The following ZPBP variants were observed in gnomAD, a reference collection of about 807,000 sequenced individuals.
ZPBP encodes zona pellucida-binding protein 1.
In ZPBP, 26 loss-of-function variants were observed where a neutral mutation model predicts 44.8. That is an observed-to-expected ratio of 0.58 (90% CI 0.43 to 0.81). The LOEUF (loss-of-function observed/expected upper bound fraction) is 0.81. ZPBP is among the 30% of genes least tolerant of loss of function. ZPBP has a pLI of 0.00. For missense variants in ZPBP, 409 were observed against 434.0 expected, an observed-to-expected ratio of 0.94 and a Z score of 0.51; for synonymous variants, 174 against 153.2, an observed-to-expected ratio of 1.14 and a Z score of -1.00.
intron 6 of ZPBP, among the ~76,000 whole-genome samples, chr7:50,004,130 A>G (rs538679169): frequency 8.3e-4 from 126 of 152,184 alleles, no homozygotes; most frequent in African/African-American, 3.0e-3. Context: ...CCTGGAGAGG[A>G]AGACCCATCC....
chr7:49,950,374 A>C (rs1021176188), intron 7 of ZPBP, among the ~76,000 whole-genome samples: 1 of 151,872 alleles, frequency 6.6e-6, no homozygotes, highest in African/African-American at 2.4e-5. Context: ...AAGACAAATT[A>C]ATATATACAT....
At chr7:49,998,531 C>T (rs1014918008) in intron 6 of ZPBP, among the ~76,000 whole-genome samples, 1 of 152,166 alleles carries the variant, frequency 6.6e-6, no homozygotes, top group Non-Finnish European at 1.5e-5. Flanking sequence ...TCACCAGGCT[C>T]CTTGCTTCTT....
At chr7:50,001,861 C>T (rs1258509787) in intron 6 of ZPBP, among the ~76,000 whole-genome samples, 1 of 152,010 alleles carries the variant, frequency 6.6e-6, no homozygotes. Flanking sequence ...ATAGAGTGAG[C>T]CCTCAGAACT....
intron 7 of ZPBP, among the ~76,000 whole-genome samples, chr7:49,947,074 A>T (rs1403530846): frequency 6.6e-6 from 1 of 152,114 alleles, no homozygotes; most frequent in Non-Finnish European, 1.5e-5. Context: ...TGTTAAATTT[A>T]TCTGACAGGA....
At chr7:49,868,873 C>G (rs1433997400) in intron 2 of ZPBP, among the ~76,000 whole-genome samples, 1 of 152,210 alleles carries the variant, frequency 6.6e-6, no homozygotes, top group Non-Finnish European at 1.5e-5. Context: ...CCTGCCTCGG[C>G]CTCCCAAAGT....
chr7:49,850,415 C>T (rs1467854106), downstream of ZPBP: 1 of 152,262 alleles, frequency 6.6e-6, no homozygotes, highest in Non-Finnish European at 1.5e-5. Flanking sequence ...AAGAGGCCTC[C>T]TGTCTTCCTG....
intron 7 of ZPBP, among the ~76,000 whole-genome samples, chr7:49,979,664 A>C (rs941224387): frequency 4.0e-4 from 61 of 151,020 alleles, no homozygotes; most frequent in African/African-American, 1.4e-3. Context: ...CAATTTCAAA[A>C]TACTTATAAT....
At chr7:50,006,825 G>A (rs934620328) in intron 6 of ZPBP, among the ~76,000 whole-genome samples, 2 of 151,906 alleles carry the variant, frequency 1.3e-5, no homozygotes, top group Non-Finnish European at 2.9e-5. Flanking sequence ...AAGAAAAAGG[G>A]AGAAGAAAAC....
At chr7:49,987,727 GTTGT>G (rs770827015) in intron 6 of ZPBP, among the ~76,000 whole-genome samples, 42 of 93,458 alleles carry the variant, frequency 4.5e-4, no homozygotes, top group Non-Finnish European at 5.3e-4. Flanking sequence ...TTATATATGT[GTTGT>G]GTGTGTGTGT....
At chr7:50,046,696 G>A (rs1800384980) in intron 4 of ZPBP, among the ~76,000 whole-genome samples, 1 of 152,166 alleles carries the variant, frequency 6.6e-6, no homozygotes, top group African/African-American at 2.4e-5. Context: ...CACTGTTGGT[G>A]GGAGTGTAAA....
intron 6 of ZPBP, among the ~76,000 whole-genome samples, chr7:50,010,300 C>T (rs780278426): frequency 6.6e-6 from 1 of 151,354 alleles, no homozygotes; most frequent in Non-Finnish European, 1.5e-5. Context: ...AATAAAGAAC[C>T]CAAAAATAGT....
chr7:49,849,784 G>C (rs549899141), downstream of ZPBP, among the ~76,000 whole-genome samples: 28 of 152,304 alleles, frequency 1.8e-4, no homozygotes, highest in African/African-American at 6.3e-4. Context: ...CTTAATAAAA[G>C]TGGCTCCTGC....
intron 2 of ZPBP, among the ~76,000 whole-genome samples, chr7:49,866,713 T>C (rs905546142): frequency 1.3e-5 from 2 of 152,182 alleles, no homozygotes; most frequent in Non-Finnish European, 2.9e-5. Flanking sequence ...GGCAGTAACA[T>C]ACAAGCATCT....
intron 6 of ZPBP, among the ~76,000 whole-genome samples, chr7:50,003,142 C>T (rs1314302088): frequency 1.3e-5 from 2 of 152,126 alleles, no homozygotes; most frequent in African/African-American, 4.8e-5. Flanking sequence ...ATAGTATTAT[C>T]ATGAGTTGAT....
chr7:49,990,045 T>C (rs978617902), intron 6 of ZPBP, among the ~76,000 whole-genome samples: 1 of 152,144 alleles, frequency 6.6e-6, no homozygotes, highest in East Asian at 1.9e-4. Flanking sequence ...CAAAACACAT[T>C]TTTGTCCCAA....
intron 6 of ZPBP, among the ~76,000 whole-genome samples, chr7:49,984,906 GA>G (rs1392172510): frequency 6.6e-6 from 1 of 152,022 alleles, no homozygotes; most frequent in South Asian, 2.1e-4. Flanking sequence ...ATGTTGAAGA[GA>G]AAAAAAATGC....
intron 1 of ZPBP, chr7:49,912,005 A>G: frequency 1.2e-6 from 2 of 1,603,336 alleles, no homozygotes; most frequent in Non-Finnish European, 8.5e-7. Context: ...ATGCACACAT[A>G]TAGTATAAAA....
Position 50,093,219 on chromosome 7 carries a change from C to T in ZPBP, c.-25G>A. The T allele has an allele frequency of 1.3e-6, 2 of 1,504,216 alleles. No individual in the cohort carries two copies. The highest frequency in any genetic ancestry group is 1.3e-5 in the South Asian group (1 of 79,088). The allele number at this position is 1,504,216 out of a possible 1,614,324, so 93.2% of individuals were successfully genotyped here. The stretch of plus-strand genomic sequence containing the variant: ...TCCACACGCCGCCGTCGCCTGCCCA[C>T]CGTCCGCGCGGAAGGTCGTTAGGCA... On this transcript the variant is annotated 5_prime_UTR_variant, in exon 1 of 8. In the 5' UTR this introduces an upstream ATG that the reference lacks. Coordinates refer to ENST00000046087, the MANE Select transcript of ZPBP (RefSeq NM_007009.3).
chr7:49,981,695 A>AATATAAATTATATATGGTAT (rs1562820655), intron 7 of ZPBP, among the ~76,000 whole-genome samples: 2 of 42,368 alleles, frequency 4.7e-5, no homozygotes, highest in African/African-American at 3.7e-4. Flanking sequence ...TAATATATAT[A>AATATAAATTATATATGGTAT]ATTATATATA....
Sources: allele counts gnomAD v4.1 joint callset (sites outside exome capture counted in the v4.1 genomes callset), GRCh38; gene constraint gnomAD v4.1.1; transcripts MANE v1.5; gene names NCBI Gene and HGNC (gene_info 2026-07-23, HGNC 2026-07-21).